APOL1: variants seen among roughly 807,000 people sequenced by gnomAD.
APOL1 encodes the protein apolipoprotein L1.
In APOL1, 17 loss-of-function variants were observed where a neutral mutation model predicts 14.9. The observed-to-expected ratio is 1.14, with a 90% confidence interval of 0.78 to 1.71. APOL1 has a LOEUF of 1.71. Among genes scored for constraint, APOL1 ranks in the 40% most tolerant of loss-of-function variants. APOL1 has a pLI of 0.00. For missense variants in APOL1, 523 were observed against 485.9 expected, an observed-to-expected ratio of 1.08 and a Z score of -0.72; for synonymous variants, 195 against 184.8, an observed-to-expected ratio of 1.05 and a Z score of -0.45.
chr22:36,260,896 A>G (rs1188498422), intron 4 of APOL1, among the ~76,000 whole-genome samples: 3 of 152,208 alleles, frequency 2.0e-5, no homozygotes, highest in Non-Finnish European at 2.9e-5. Flanking sequence ...GCTGCTTTTG[A>G]ACCAATAATT....
chr22:36,265,328 G>A lies in APOL1; in HGVS notation c.492G>A (p.Gly164=), dbSNP rs541348507. 2 of 1,612,092 alleles carry A rather than the reference G, an allele frequency of 1.2e-6. No individual in the cohort carries two copies. Among genetic ancestry groups the A allele is most frequent in the Non-Finnish European group, 1.7e-6 (2 of 1,178,968 alleles). ...GAAGGCTCCGTGCCCTTGCAGATGG[G>A]GTTCAGAAGGTCCACAAAGGCACCA... The part of the protein sequence containing the change: ...NIRRLRALAD[G]VQKVHKGTTI... Residue 164 remains glycine, a synonymous_variant, in exon 6 of 6, where the codon GGG becomes GGA. Transcript: ENST00000397278.
intron 4 of APOL1, chr22:36,259,996 G>A: frequency 8.9e-7 from 1 of 1,126,954 alleles, no homozygotes. Context: ...AGTTTAAGGA[G>A]AATGTCAAAG....
intron 5 of APOL1, among the ~76,000 whole-genome samples, 174 bp downstream of exon 5, chr22:36,261,896 T>C (rs1053498436): frequency 6.6e-6 from 1 of 152,184 alleles, no homozygotes; most frequent in Admixed American, 6.5e-5. Context: ...TCGCTGGCAG[T>C]GAGTAGCCTC....
At chr22:36,257,818 T>C (rs1192827978) in intron 4 of APOL1, among the ~76,000 whole-genome samples, 1 of 152,124 alleles carries the variant, frequency 6.6e-6, no homozygotes, top group Non-Finnish European at 1.5e-5. Context: ...CTGGGGTGTT[T>C]CCACCTGAGG....
Position 36,253,141 on chromosome 22 carries a change from G to A in APOL1, c.-98G>A, listed in dbSNP as rs3747162. The A allele has an allele frequency of 1.1e-4, 52 of 486,798 alleles. 1 individual carries two copies. In the East Asian group the frequency reaches 2.9e-3, roughly 27 times the overall value. The allele number at this position is 486,798 out of a possible 1,614,324, so 30.2% of individuals were successfully genotyped here. A position where few individuals can be genotyped will look rare whatever the true frequency, so the allele number is the denominator to read the frequency against. ...GGAGGACCTGTCTGGTTATTATACA[G>A]ACGCATAACTGGAGGTGGGATCCAC... On this transcript the variant is annotated 5_prime_UTR_variant, in exon 1 of 6. Transcript: ENST00000397278.
intron 4 of APOL1, chr22:36,257,609 C>T (rs995244192): frequency 3.4e-6 from 2 of 590,604 alleles, no homozygotes; most frequent in African/African-American, 3.7e-5. Flanking sequence ...CTTAGGGTGA[C>T]ACGGCCCAGG....
intron 2 of APOL1, among the ~76,000 whole-genome samples, chr22:36,256,036 TA>T (rs1385653634): frequency 3.3e-5 from 5 of 152,290 alleles, no homozygotes; most frequent in South Asian, 4.1e-4. Flanking sequence ...CTTCCCTCTT[TA>T]AAAAAATGAT....
intron 1 of APOL1, chr22:36,254,088 G>C (rs2015778596): frequency 2.7e-6 from 4 of 1,455,874 alleles, no homozygotes; most frequent in Admixed American, 1.7e-5. Context: ...AAACATTTTT[G>C]CTTCAATATT....
At position 36,261,652 on chromosome 22, in the gene APOL1, C is replaced by T; in HGVS notation, c.244C>T (p.Gln82Ter). The change falls in exon 5 of 6, where the codon CAG becomes TAG. Residue 82 changes from glutamine to a stop codon, truncating the protein, a stop_gained. Transcript: ENST00000397278. LOFTEE classifies it high-confidence loss of function. ...GTATTTCAAGGAAAAAGTGAGCACA[C>T]AGAATCTGCTACTCCTGCTGACTGA... Reference protein sequence around the residue: ...IKYFKEKVSTQNLLLLLTDNE... With the variant: ...IKYFKEKVST 6.2e-7 allele frequency: 1 copy of T among 1,614,074 alleles called. No homozygotes were observed. Among genetic ancestry groups the T allele is most frequent in the Non-Finnish European group, 8.5e-7 (1 of 1,179,956 alleles).
rs199608929 is a variant in APOL1, at chr22:36,265,227, G to T, written c.391G>T (p.Asp131Tyr). The change falls in exon 6 of 6, where the codon GAT becomes TAT. Residue 131 changes from aspartate (D) to tyrosine (Y), a missense_variant. Asp to Tyr is a radical substitution (Grantham distance 160). Transcript: ENST00000397278. ...GATCATGAAAGACAAAAACTGGCACGATAAAGGCCAGCAGTACAGAAACTG... is the reference window on the plus strand; with the variant it reads ...GATCATGAAAGACAAAAACTGGCACTATAAAGGCCAGCAGTACAGAAACTG... ...QMIMKDKNWH[D>Y]KGQQYRNWFL... 1 of 1,614,154 alleles carries T rather than the reference G, an allele frequency of 6.2e-7. No individual in the cohort carries two copies. Among genetic ancestry groups the T allele is most frequent in the Non-Finnish European group, 8.5e-7 (1 of 1,180,028 alleles).
At chr22:36,258,523 A>G (rs926507713) in intron 4 of APOL1, among the ~76,000 whole-genome samples, 9 of 152,356 alleles carry the variant, frequency 5.9e-5, no homozygotes, top group Admixed American at 4.6e-4. Flanking sequence ...AGGTCTCCGA[A>G]TACAGGTGAG....
chr22:36,256,207 C>G (rs1192707205), intron 2 of APOL1, among the ~76,000 whole-genome samples: 1 of 152,012 alleles, frequency 6.6e-6, no homozygotes, highest in Non-Finnish European at 1.5e-5. Flanking sequence ...AAACAAGAGA[C>G]TACTGAGAGC....
intron 4 of APOL1, among the ~76,000 whole-genome samples, chr22:36,258,387 G>GC (rs1603482054): frequency 6.6e-6 from 1 of 152,238 alleles, no homozygotes; most frequent in African/African-American, 2.4e-5. Context: ...CGGAGACAAG[G>GC]TTTATCGGGT....
intron 1 of APOL1, chr22:36,253,767 G>A (rs1029943060): frequency 5.0e-5 from 31 of 617,854 alleles, no homozygotes; most frequent in African/African-American, 1.3e-4. Flanking sequence ...CCAGGGTCCC[G>A]TGTCAGGAGG....
At position 36,265,272 on chromosome 22, in the gene APOL1, C is replaced by T. The variant is rs1027205673; in HGVS notation, c.436C>T (p.Arg146Trp). 9.3e-6 allele frequency: 15 copies of T among 1,613,958 alleles called. No individual in the cohort carries two copies. Among genetic ancestry groups the T allele is most frequent in the African/African-American group, 8.0e-5 (6 of 74,904 alleles). ...YRNWFLKEFPRLKSELEDNIR... is the reference protein window; with the variant it reads ...YRNWFLKEFPWLKSELEDNIR... The stretch of plus-strand genomic sequence containing the variant: ...AAACTGGTTTCTGAAAGAGTTTCCT[C>T]GGTTGAAAAGTGAGCTTGAGGATAA... The change falls in exon 6 of 6, where the codon CGG becomes TGG. Residue 146 changes from arginine (R) to tryptophan (W), a missense_variant. Physicochemically the swap from Arg to Trp is moderately radical, Grantham distance 101. Transcript: ENST00000397278.
In APOL1 at chr22:36,257,393, G is replaced by T. The variant is rs759271800; in HGVS notation, c.173G>T (p.Gly58Val). Residue 58 changes from glycine (G) to valine (V), a missense_variant, in exon 4 of 6, where the codon GGC becomes GTC. Coordinates refer to ENST00000397278, the MANE Select transcript of APOL1 (RefSeq NM_003661.4). ...QSKPLGDWAAGTMDPESSIFI... is the reference protein window; with the variant it reads ...QSKPLGDWAAVTMDPESSIFI... The stretch of plus-strand genomic sequence containing the variant: ...AAGCCCCTCGGTGACTGGGCTGCTG[G>T]CACCATGGACCCAGGTAGGCTCACC... 1.9e-6 allele frequency: 3 copies of T among 1,613,890 alleles called. No homozygotes were observed. The African/African-American group carries it at 4.0e-5, about 22-fold the overall frequency.
chr22:36,258,156 C>A lies in APOL1; in HGVS notation c.187+749C>A, dbSNP rs184136826. Among the ~76,000 whole-genome samples, 9 of 152,268 alleles carry A rather than the reference C, an allele frequency of 5.9e-5. No individual in the cohort carries two copies. The South Asian group carries it at 8.3e-4, about 14-fold the overall frequency. On this transcript the variant is annotated intron_variant, in intron 4 of 5. Coordinates refer to ENST00000397278, the MANE Select transcript of APOL1 (RefSeq NM_003661.4). Reference sequence around the variant, plus strand: ...CAGGTGGAAGCCACCCCGTCCCCCCCCAGCTGTGTTAGGGCACCCGCCCTG... The same window carrying A: ...CAGGTGGAAGCCACCCCGTCCCCCCACAGCTGTGTTAGGGCACCCGCCCTG...
chr22:36,256,699 A>C (rs988728888), intron 2 of APOL1, among the ~76,000 whole-genome samples: 1 of 152,232 alleles, frequency 6.6e-6, no homozygotes, highest in African/African-American at 2.4e-5. Context: ...GCGTGTATAC[A>C]TGACTCAATA....
In APOL1 at chr22:36,266,130, C is replaced by A; in HGVS notation, c.*97C>A. On this transcript the variant is annotated 3_prime_UTR_variant, in exon 6 of 6. Transcript: ENST00000397278. ...TTTCTGAGACAGAGTCTTGCTCTGT[C>A]GCCAAGTTGGAGTGCAATGGTGCGA... is the stretch of plus-strand genomic sequence containing the variant. 4.3e-6 allele frequency: 6 copies of A among 1,379,924 alleles called. No homozygotes were observed. Among genetic ancestry groups the A allele is most frequent in the Middle Eastern group, 2.6e-4 (1 of 3,878 alleles). 85.5% of individuals were successfully genotyped at this position (1,379,924 alleles called of 1,614,324 possible). A position where few individuals can be genotyped will look rare whatever the true frequency, so the allele number is the denominator to read the frequency against.
Sources: allele counts gnomAD v4.1 joint callset (sites outside exome capture counted in the v4.1 genomes callset), GRCh38; gene constraint gnomAD v4.1.1; transcripts MANE v1.5; gene names NCBI Gene and HGNC (gene_info 2026-07-23, HGNC 2026-07-21).